PRX: variants seen among roughly 807,000 people sequenced by gnomAD.
PRX encodes periaxin.
A neutral mutation model predicts 29.6 loss-of-function variants in PRX; 24 were observed. The observed-to-expected ratio is 0.81, with a 90% CI of 0.59 to 1.14. The LOEUF (loss-of-function observed/expected upper bound fraction) is 1.14. PRX is among the 50% of genes most tolerant of loss of function. The pLI is 0.00. For missense variants in PRX, 1,838 were observed against 1,926.4 expected (o/e 0.95, Z 0.86); for synonymous variants, 772 against 831.7 (o/e 0.93, Z 1.24).
chr19:40,394,035 G>A lies in PRX; in HGVS notation c.4317C>T (p.Ser1439=), dbSNP rs372280596. 2.7e-5 allele frequency: 44 copies of A among 1,613,140 alleles called. No homozygotes were observed. The highest frequency in any genetic ancestry group is 8.9e-5 in the East Asian group (4 of 44,868). ...EEGGLRVRLP[S]VGFSETGAPG... ...GAGCCCCTGTCTCTGAAAACCCCACGCTGGGCAGCCGCACCCGCAATCCAC... is the reference window on the plus strand; with the variant it reads ...GAGCCCCTGTCTCTGAAAACCCCACACTGGGCAGCCGCACCCGCAATCCAC... The change falls in exon 7 of 7, where the codon AGC becomes AGT. Residue 1439 remains serine, a synonymous_variant. Transcript: ENST00000324001. The surrounding 1 kb of genome is among the most constrained non-coding windows in gnomAD (Gnocchi z 5.8).
Position 40,398,047 on chromosome 19 carries a change from A to T in PRX, c.382-77T>A. 2.0e-6 allele frequency: 3 copies of T among 1,526,450 alleles called. No individual in the cohort carries two copies. The highest frequency in any genetic ancestry group is 2.6e-6 in the Non-Finnish European group (3 of 1,135,886). The allele number at this position is 1,526,450 out of a possible 1,614,324, so 94.6% of individuals were successfully genotyped here. On this transcript the variant is annotated intron_variant, in intron 6 of 6. Coordinates refer to ENST00000324001, the MANE Select transcript of PRX (RefSeq NM_181882.3). The surrounding 1 kb of genome is among the most constrained non-coding windows in gnomAD (Gnocchi z 6.3). ...GTGGACAGGAAGAGCCCCACCTGGTATTGGACCAGGCGGGGGATGTGCTGG... is the reference window on the plus strand; with the variant it reads ...GTGGACAGGAAGAGCCCCACCTGGTTTTGGACCAGGCGGGGGATGTGCTGG...
chr19:40,399,866 T>TCTTTCTTTCTTTCTTC (rs2079477502), intron 5 of PRX, among the ~76,000 whole-genome samples: 1 of 64,534 alleles, frequency 1.5e-5, no homozygotes, highest in African/African-American at 9.0e-5. Flanking sequence ...TTTCTTTCTT[T>TCTTTCTTTCTTTCTTC]CTTTCTTTCT....
rs974258185 is a variant in PRX, at chr19:40,397,578, G to T, written c.774C>A (p.Pro258=). 3 of 1,542,144 alleles carry T rather than the reference G, an allele frequency of 1.9e-6. No individual in the cohort carries two copies. The highest frequency in any genetic ancestry group is 2.6e-6 in the Non-Finnish European group (3 of 1,147,156). The change falls in exon 7 of 7, where the codon CCC becomes CCA. Residue 258 remains proline, a synonymous_variant. Transcript: ENST00000324001. ...CAAAGCCACCAGCTGCCTCTGCTGA[G>T]GGGGCAGCCTTGGGGGCTGAGACCT... ...VPQVSAPKAA[P]SAEAAGGFAL...
In PRX at chr19:40,397,535, G is replaced by T; in HGVS notation, c.817C>A (p.Leu273Ile). Residue 273 changes from leucine to isoleucine, a missense_variant, in exon 7 of 7, where the codon CTT becomes ATT. Transcript: ENST00000324001. ...AGGFALHLPT[L>I]GLGAPAPPAV... is the part of the protein sequence containing the mutation. ...GGCGGAGCCGGGGCTCCGAGCCCAA[G>T]GGTTGGCAGGTGGAGGGCAAAGCCA... 1 of 1,543,040 alleles carries T rather than the reference G, an allele frequency of 6.5e-7. No individual in the cohort carries two copies. Among genetic ancestry groups the T allele is most frequent in the Non-Finnish European group, 8.7e-7 (1 of 1,145,918 alleles).
chr19:40,396,214 T>C lies in PRX; in HGVS notation c.2138A>G (p.Lys713Arg), dbSNP rs1233657820. 3 of 1,612,996 alleles carry C rather than the reference T, an allele frequency of 1.9e-6. No individual in the cohort carries two copies. Among genetic ancestry groups the C allele is most frequent in the African/African-American group, 1.3e-5 (1 of 74,658 alleles). Residue 713 changes from lysine to arginine, a missense_variant, in exon 7 of 7, where the codon AAA (lysine) becomes AGA (arginine). Physicochemically the swap from Lys to Arg is conservative, Grantham distance 26. Coordinates refer to ENST00000324001, the MANE Select transcript of PRX (RefSeq NM_181882.3). The stretch of plus-strand genomic sequence containing the variant: ...GTCAGGGACTTTCATTTCACAGACT[T>C]TGGGCAGCTGCACCTCTGGGAGGTG... ...DVHLPEVQLP[K>R]VCEMKVPDMK... is the part of the protein sequence containing the mutation.
chr19:40,410,699 C>T (rs904095572), intron 1 of PRX, among the ~76,000 whole-genome samples: 37 of 152,250 alleles, frequency 2.4e-4, no homozygotes, highest in African/African-American at 7.9e-4. Flanking sequence ...GGTGAAACCC[C>T]GTTTCTACTA....
rs1353324401 is a variant in PRX, at chr19:40,395,484, C to T, written c.2868G>A (p.Lys956=). 2.5e-6 allele frequency: 4 copies of T among 1,613,876 alleles called. No individual in the cohort carries two copies. In the African/African-American group the frequency reaches 4.0e-5, roughly 16 times the overall value. The part of the protein sequence containing the change: ...AEAEGAGRAT[K]LKVSKFAISL... The stretch of plus-strand genomic sequence containing the variant: ...AGATGGCAAATTTGGATACCTTCAG[C>T]TTGGTAGCTCGCCCAGCCCCCTCAG... Residue 956 remains lysine, a synonymous_variant, in exon 7 of 7, where the codon AAG becomes AAA. Transcript: ENST00000324001.
At chr19:40,403,413 C>T (rs1324488605) in intron 5 of PRX, among the ~76,000 whole-genome samples, 2 of 152,110 alleles carry the variant, frequency 1.3e-5, no homozygotes, top group African/African-American at 4.8e-5. Context: ...CTCGTTAAAT[C>T]CTCAATACAT....
In PRX at chr19:40,395,608, T is replaced by C. The variant is rs899773763; in HGVS notation, c.2744A>G (p.Glu915Gly). ...TGTCTCTATCATCTCCAGCCGCCCT[T>C]CCTCAATTTCCACGGCGGGCAGCTG... Reference protein sequence around the residue: ...TPQLPAVEIEEGRLEMIETKV... With the variant: ...TPQLPAVEIEGGRLEMIETKV... Residue 915 changes from glutamate (E) to glycine (G), a missense_variant, in exon 7 of 7, where the codon GAA becomes GGA. Around this residue, in one of 3 missense-constraint regions of PRX, gnomAD observed 1,143 missense variants for 1,193.0 expected, o/e 0.96. Coordinates refer to ENST00000324001, the MANE Select transcript of PRX (RefSeq NM_181882.3). The C allele has an allele frequency of 6.2e-7, 1 of 1,614,046 alleles. No individual in the cohort carries two copies. The highest frequency in any genetic ancestry group is 1.3e-5 in the African/African-American group (1 of 74,912).
chr19:40,407,537 G>A, intron 4 of PRX: 1 of 379,694 alleles, frequency 2.6e-6, no homozygotes, highest in African/African-American at 2.1e-5. Flanking sequence ...CTAGGCTTTA[G>A]CGATCCTCCT....
intron 1 of PRX, 41 bp from the exon 2 acceptor site, chr19:40,408,424 A>T (rs1568717351): frequency 4.5e-6 from 1 of 222,820 alleles, no homozygotes; most frequent in Non-Finnish European, 9.1e-6. Flanking sequence ...GCTAACAGCC[A>T]CCGATGACTT....
chr19:40,411,704 C>T (rs1249641884), intron 1 of PRX, among the ~76,000 whole-genome samples: 2 of 152,152 alleles, frequency 1.3e-5, no homozygotes, highest in Non-Finnish European at 2.9e-5. Context: ...GGAAGGAAAC[C>T]CACAGAGAGG....
chr19:40,394,877 C>G lies in PRX; in HGVS notation c.3475G>C (p.Gly1159Arg). ...CCTGGGGTACCTGCCTCCCCAAAGC[C>G]GGTCAGCTCCACCTGTGGCAGGGAG... ...GISLPQVELT[G>R]FGEAGTPGQQ... is the part of the protein sequence containing the mutation. Residue 1159 changes from glycine to arginine, a missense_variant, in exon 7 of 7, where the codon GGC (glycine) becomes CGC (arginine). By Grantham distance (125) the Gly-to-Arg change is moderately radical. Transcript: ENST00000324001. This position sits in a 1 kb window ranked among gnomAD's most constrained non-coding sequence, Gnocchi z 5.8. The G allele has an allele frequency of 6.2e-7, 1 of 1,611,630 alleles. No homozygotes were observed. Among genetic ancestry groups the G allele is most frequent in the Non-Finnish European group, 8.5e-7 (1 of 1,179,988 alleles).
chr19:40,394,035 G>T lies in PRX; in HGVS notation c.4317C>A (p.Ser1439Arg), dbSNP rs372280596. 9 of 1,613,142 alleles carry T rather than the reference G, an allele frequency of 5.6e-6. No individual in the cohort carries two copies. Among genetic ancestry groups the T allele is most frequent in the Admixed American group, 1.7e-5 (1 of 59,936 alleles). Residue 1439 changes from serine (S) to arginine (R), a missense_variant, in exon 7 of 7, where the codon AGC becomes AGA. Ser to Arg is a moderately radical substitution (Grantham distance 110). Coordinates refer to ENST00000324001, the MANE Select transcript of PRX (RefSeq NM_181882.3). The surrounding 1 kb of genome is among the most constrained non-coding windows in gnomAD (Gnocchi z 5.8). ...GAGCCCCTGTCTCTGAAAACCCCACGCTGGGCAGCCGCACCCGCAATCCAC... is the reference window on the plus strand; with the variant it reads ...GAGCCCCTGTCTCTGAAAACCCCACTCTGGGCAGCCGCACCCGCAATCCAC... ...EEGGLRVRLP[S>R]VGFSETGAPG...
rs370753668 is a variant in PRX, at chr19:40,396,087, C to T, written c.2265G>A (p.Leu755=). Reference sequence around the variant, plus strand: ...GAACCTTCGGCACTTGCATTTCCGGCAGCCGAATCTCTGACACTTTCGGCA... The same window carrying T: ...GAACCTTCGGCACTTGCATTTCCGGTAGCCGAATCTCTGACACTTTCGGCA... ...VQLPKVSEIR[L]PEMQVPKVPD... is the part of the protein sequence containing the mutation. Residue 755 remains leucine (L), a synonymous_variant, in exon 7 of 7, where the codon CTG becomes CTA. Transcript: ENST00000324001. 1.7e-5 allele frequency: 28 copies of T among 1,614,218 alleles called. No individual in the cohort carries two copies. In the African/African-American group the frequency reaches 2.3e-4, roughly 13 times the overall value.
Position 40,395,046 on chromosome 19 carries a change from G to A in PRX, c.3306C>T (p.Val1102=), listed in dbSNP as rs774667067. 4.8e-5 allele frequency: 78 copies of A among 1,611,840 alleles called. No individual in the cohort carries two copies. In the Admixed American group the frequency reaches 6.5e-4, roughly 13 times the overall value. ...TCCCTTCCTCCTGGGCGCCCAGCGTGACCAGCTCCACCTCGGGGATCTTAA... is the reference window on the plus strand; with the variant it reads ...TCCCTTCCTCCTGGGCGCCCAGCGTAACCAGCTCCACCTCGGGGATCTTAA... ...VQLKIPEVEL[V]TLGAQEEGRA... is the part of the protein sequence containing the mutation. The change falls in exon 7 of 7, where the codon GTC becomes GTT. Residue 1102 remains valine, a synonymous_variant. Coordinates refer to ENST00000324001, the MANE Select transcript of PRX (RefSeq NM_181882.3).
chr19:40,405,121 A>G (rs1428650750), intron 4 of PRX, among the ~76,000 whole-genome samples: 4 of 152,064 alleles, frequency 2.6e-5, no homozygotes, highest in African/African-American at 9.7e-5. Context: ...GAATCCAGTG[A>G]AGGGGGTCTG....
Position 40,393,893 on chromosome 19 carries a change from T to C in PRX, c.*73A>G. 2 of 1,597,368 alleles carry C rather than the reference T, an allele frequency of 1.3e-6. No individual in the cohort carries two copies. The highest frequency in any genetic ancestry group is 2.2e-5 in the South Asian group (2 of 90,900). On this transcript the variant is annotated 3_prime_UTR_variant, in exon 7 of 7. Transcript: ENST00000324001. ...CTCCCGGCCCTCTTAGGGTTAGTGC[T>C]AGTTATCACACACACAACAGCGAGG...
chr19:40,394,518 G>C lies in PRX; in HGVS notation c.3834C>G (p.Asp1278Glu). 6.2e-7 allele frequency: 1 copy of C among 1,600,410 alleles called. No individual in the cohort carries two copies. Among genetic ancestry groups the C allele is most frequent in the Non-Finnish European group, 8.5e-7 (1 of 1,174,160 alleles). Residue 1278 changes from aspartate to glutamate, a missense_variant, in exon 7 of 7, where the codon GAC becomes GAG. This residue lies in a region of PRX where 1,143 missense variants were observed against 1,193.0 expected (regional missense o/e 0.96). Coordinates refer to ENST00000324001, the MANE Select transcript of PRX (RefSeq NM_181882.3). This position sits in a 1 kb window ranked among gnomAD's most constrained non-coding sequence, Gnocchi z 5.8. The stretch of plus-strand genomic sequence containing the variant: ...TGCCCCCGGATGGCGAGAGCTCCAC[G>C]TCGGGCAGTGAGAGGCAGAAGGTAC... ...AERTFCLSLP[D>E]VELSPSGGNH...
Sources: allele counts gnomAD v4.1 joint callset (sites outside exome capture counted in the v4.1 genomes callset), GRCh38; gene constraint gnomAD v4.1.1; regional missense constraint gnomAD v4.1.1; non-coding constraint Gnocchi (gnomAD v3.1); transcripts MANE v1.5; gene names NCBI Gene and HGNC (gene_info 2026-07-23, HGNC 2026-07-21).